The following CHCHD4 variants were observed in gnomAD, a reference collection of about 807,000 sequenced individuals.
The protein encoded by CHCHD4 is mitochondrial intermembrane space import and assembly protein 40.
In CHCHD4, 7 loss-of-function variants were observed where a neutral mutation model predicts 12.4. The observed-to-expected ratio is 0.57, with a 90% CI of 0.32 to 1.06. The LOEUF is 1.06. Ranked by LOEUF, CHCHD4 falls within the 50% of genes least tolerant of loss-of-function variation. The pLI, the probability that CHCHD4 is intolerant of heterozygous loss-of-function variation, is 0.04. For synonymous variants in CHCHD4, 56 were observed against 58.0 expected, an observed-to-expected ratio of 0.97 and a Z score of 0.16; for missense variants, 143 against 175.1, an observed-to-expected ratio of 0.82 and a Z score of 1.03.
At chr3:14,124,112 A>G (rs1694972909) in intron 1 of CHCHD4, among the ~76,000 whole-genome samples, 1 of 152,202 alleles carries the variant, frequency 6.6e-6, no homozygotes. Context: ...TCGCAGCGAG[A>G]TCTGTGAGAC....
At chr3:14,122,835 A>G (rs1342408457) in intron 1 of CHCHD4, among the ~76,000 whole-genome samples, 1 of 152,202 alleles carries the variant, frequency 6.6e-6, no homozygotes, top group Non-Finnish European at 1.5e-5. Flanking sequence ...GCTAAATGTT[A>G]AAGGATGAGG....
intron 1 of CHCHD4, among the ~76,000 whole-genome samples, chr3:14,121,435 G>A (rs1694933249): frequency 6.6e-6 from 1 of 152,182 alleles, no homozygotes; most frequent in Non-Finnish European, 1.5e-5. Context: ...CCTTGGATGA[G>A]TAGTTTGATT....
In CHCHD4 at chr3:14,112,253, C is replaced by T. The variant is rs1694829462; in HGVS notation, c.*634G>A. ...GGCTTTCGGAATAACAAGGAACAGC[C>T]AAGCCAGCCTCTCCCTTCACTTAGA... On this transcript the variant is annotated 3_prime_UTR_variant, in exon 3 of 3. Transcript: ENST00000396914. The T allele has an allele frequency of 6.6e-6, 1 of 152,192 alleles. No homozygotes were observed. 9.4% of individuals were successfully genotyped at this position (152,192 alleles called of 1,614,324 possible).
chr3:14,120,128 G>T (rs1245459537), intron 1 of CHCHD4, among the ~76,000 whole-genome samples: 1 of 152,124 alleles, frequency 6.6e-6, no homozygotes, highest in Non-Finnish European at 1.5e-5. Context: ...TCAGAGTGGG[G>T]AACTGGAGGC....
chr3:14,124,798 T>A lies in CHCHD4; in HGVS notation c.-122A>T. On this transcript the variant is annotated 5_prime_UTR_variant, in exon 1 of 3. Coordinates refer to ENST00000396914, the MANE Select transcript of CHCHD4 (RefSeq NM_001098502.2). Reference sequence around the variant, plus strand: ...CCGAAGCCCGCGCGGACCCGCCCCCTCCCAGGCCTGCCCGCCGCGCGCCTG... The same window carrying A: ...CCGAAGCCCGCGCGGACCCGCCCCCACCCAGGCCTGCCCGCCGCGCGCCTG... 2 of 1,189,222 alleles carry A rather than the reference T, an allele frequency of 1.7e-6. No homozygotes were observed. The highest frequency in any genetic ancestry group is 2.3e-6 in the Non-Finnish European group (2 of 870,812). 73.7% of individuals were successfully genotyped at this position (1,189,222 alleles called of 1,614,324 possible).
At position 14,116,402 on chromosome 3, in the gene CHCHD4, C is replaced by A. The variant is rs771902038; in HGVS notation, c.121+24G>T. ...TCTCCCCAGTGCCCTGGTGTGGGTC[C>A]CTGGGAGGCCACATGTCACTCACCA... On this transcript the variant is annotated intron_variant, in intron 2 of 2. Coordinates refer to ENST00000396914, the MANE Select transcript of CHCHD4 (RefSeq NM_001098502.2). 2.0e-6 allele frequency: 3 copies of A among 1,492,836 alleles called. No homozygotes were observed. In the Admixed American group the frequency reaches 5.0e-5, roughly 25 times the overall value. The allele number at this position is 1,492,836 out of a possible 1,614,324, so 92.5% of individuals were successfully genotyped here. A position where few individuals can be genotyped will look rare whatever the true frequency, so the allele number is the denominator to read the frequency against.
Position 14,116,507 on chromosome 3 carries a change from A to C in CHCHD4, c.40T>G (p.Phe14Val). ...CRQEGKDRII[F>V]VTKEDHETPS... The stretch of plus-strand genomic sequence containing the variant: ...GTTTCATGATCTTCTTTGGTTACAA[A>C]TATGATTCGATCCTTCCCTAGTGTT... Residue 14 changes from phenylalanine (F) to valine (V), a missense_variant, in exon 2 of 3, where the codon TTT becomes GTT. Phe to Val is a conservative substitution (Grantham distance 50). Coordinates refer to ENST00000396914, the MANE Select transcript of CHCHD4 (RefSeq NM_001098502.2). The C allele has an allele frequency of 1.2e-6, 2 of 1,611,464 alleles. No individual in the cohort carries two copies. Among genetic ancestry groups the C allele is most frequent in the Non-Finnish European group, 1.7e-6 (2 of 1,177,506 alleles).
At chr3:14,117,712 A>G (rs1407294435) in intron 1 of CHCHD4, among the ~76,000 whole-genome samples, 3 of 152,124 alleles carry the variant, frequency 2.0e-5, no homozygotes, top group Non-Finnish European at 2.9e-5. Context: ...CCTCCGTGTG[A>G]GCTCATTCCT....
Position 14,116,529 on chromosome 3 carries a change from T to C in CHCHD4, c.23-5A>G, listed in dbSNP as rs1325528378. 6.3e-7 allele frequency: 1 copy of C among 1,592,758 alleles called. No homozygotes were observed. The highest frequency in any genetic ancestry group is 8.6e-7 in the Non-Finnish European group (1 of 1,160,466). ...CAAATATGATTCGATCCTTCCCTAG[T>C]GTTTGGAGAACAGAGGAAGAAATAT... On this transcript the variant is annotated splice_region_variant and splice_polypyrimidine_tract_variant and intron_variant, in intron 1 of 2. Coordinates refer to ENST00000396914, the MANE Select transcript of CHCHD4 (RefSeq NM_001098502.2).
At chr3:14,121,530 G>A (rs1694934449) in intron 1 of CHCHD4, among the ~76,000 whole-genome samples, 1 of 152,210 alleles carries the variant, frequency 6.6e-6, no homozygotes, top group African/African-American at 2.4e-5. Flanking sequence ...TCCTGCAGAG[G>A]AAGCAGTTTA....
In CHCHD4 at chr3:14,116,780, T is replaced by C. The variant is rs545975601; in HGVS notation, c.23-256A>G. On this transcript the variant is annotated intron_variant, in intron 1 of 2. Transcript: ENST00000396914. ...CCACAGGGTTCAGAATGCATAAAAG[T>C]TGAAGGAAGACTGAGCACATTGGCA... is the stretch of plus-strand genomic sequence containing the variant. Among the ~76,000 whole-genome samples the C allele has an allele frequency of 3.9e-5, 6 of 152,180 alleles. No individual in the cohort carries two copies. In the East Asian group the frequency reaches 9.7e-4, roughly 25 times the overall value.
At chr3:14,121,100 G>A (rs1574932584) in intron 1 of CHCHD4, among the ~76,000 whole-genome samples, 1 of 152,252 alleles carries the variant, frequency 6.6e-6, no homozygotes. Flanking sequence ...TACACCTGAA[G>A]GGAAAGGAAT....
At chr3:14,118,147 C>T (rs1007223262) in intron 1 of CHCHD4, among the ~76,000 whole-genome samples, 7 of 152,288 alleles carry the variant, frequency 4.6e-5, no homozygotes, top group African/African-American at 1.7e-4. Context: ...CTGGGACCCT[C>T]ATCTGGAAGG....
intron 1 of CHCHD4, chr3:14,119,292 C>T (rs1694908493): frequency 1.3e-5 from 2 of 152,230 alleles, no homozygotes; most frequent in Admixed American, 1.3e-4. Flanking sequence ...ACTTTATCTC[C>T]ATTTTACAGA....
At chr3:14,122,267 TGA>T (rs1383524993) in intron 1 of CHCHD4, among the ~76,000 whole-genome samples, 14 of 152,260 alleles carry the variant, frequency 9.2e-5, no homozygotes, top group Middle Eastern at 3.2e-3. Flanking sequence ...ATGTCACCTA[TGA>T]CAGTCTGTAA....
intron 1 of CHCHD4, among the ~76,000 whole-genome samples, chr3:14,121,711 T>C (rs992079328): frequency 6.6e-6 from 1 of 151,950 alleles, no homozygotes; most frequent in African/African-American, 2.4e-5. Context: ...CCAGAGGGAG[T>C]GGTGCCTGTG....
At chr3:14,115,801 T>C (rs1002268813) in intron 2 of CHCHD4, among the ~76,000 whole-genome samples, 2 of 152,198 alleles carry the variant, frequency 1.3e-5, no homozygotes, top group African/African-American at 4.8e-5. Context: ...ATACGTAGAT[T>C]GTTCATGGAC....
Position 14,124,750 on chromosome 3 carries a change from C to G in CHCHD4, c.-74G>C, listed in dbSNP as rs2124981033. On this transcript the variant is annotated 5_prime_UTR_variant, in exon 1 of 3. Coordinates refer to ENST00000396914, the MANE Select transcript of CHCHD4 (RefSeq NM_001098502.2). ...TGCACCTTTACGCCGTGACCTCCCT[C>G]TCCTCTGGCAGGGCGGGCTCCTCCG... 2.7e-6 allele frequency: 4 copies of G among 1,462,356 alleles called. No individual in the cohort carries two copies. The highest frequency in any genetic ancestry group is 2.6e-5 in the South Asian group (2 of 77,486). 90.6% of individuals were successfully genotyped at this position (1,462,356 alleles called of 1,614,324 possible).
Position 14,124,762 on chromosome 3 carries a change from G to C in CHCHD4, c.-86C>G. 8.4e-6 allele frequency: 12 copies of C among 1,421,178 alleles called. No homozygotes were observed. In the South Asian group the frequency reaches 1.6e-4, roughly 19 times the overall value. 88.0% of individuals were successfully genotyped at this position (1,421,178 alleles called of 1,614,324 possible). ...CCGTGACCTCCCTCTCCTCTGGCAG[G>C]GCGGGCTCCTCCGAAGCCCGCGCGG... is the stretch of plus-strand genomic sequence containing the variant. On this transcript the variant is annotated 5_prime_UTR_variant, in exon 1 of 3. Coordinates refer to ENST00000396914, the MANE Select transcript of CHCHD4 (RefSeq NM_001098502.2).
Sources: gnomAD v4.1 joint callset for allele counts (sites outside exome capture counted in the v4.1 genomes callset) on GRCh38, gnomAD v4.1.1 for gene constraint, MANE v1.5 for transcripts, NCBI Gene and HGNC (gene_info 2026-07-23, HGNC 2026-07-21) for gene names.